Variants in RAB11FIP3 observed in about 807,000 individuals in gnomAD.
The protein encoded by RAB11FIP3 is RAB11 family interacting protein 3, also known as rab11 family-interacting protein 3.
In RAB11FIP3, 17 loss-of-function variants were observed where a neutral mutation model predicts 77.8. That is an observed-to-expected ratio of 0.22 (90% CI 0.15 to 0.33). The LOEUF (loss-of-function observed/expected upper bound fraction) is 0.33, where lower values mean the gene tolerates loss of function less well. Among genes scored for constraint, RAB11FIP3 ranks in the 10% least tolerant of loss-of-function variants. RAB11FIP3 has a pLI of 1.00. For synonymous variants in RAB11FIP3, 437 were observed against 448.2 expected, an observed-to-expected ratio of 0.98 and a Z score of 0.31; for missense variants, 1,005 against 1,011.2, an observed-to-expected ratio of 0.99 and a Z score of 0.08.
At chr16:489,077 T>A in intron 5 of RAB11FIP3, 77 bp downstream of exon 5, 2 of 1,463,022 alleles carry the variant, frequency 1.4e-6, no homozygotes, top group South Asian at 1.3e-5. Context: ...CCTTTTTGGT[T>A]CGTGCATTGG....
At chr16:513,936 G>A (rs7187852) in intron 9 of RAB11FIP3, among the ~76,000 whole-genome samples, 4,932 of 152,284 alleles carry the variant, frequency 0.032, 94 homozygotes, top group African/African-American at 0.054. Flanking sequence ...TACGTTTCTC[G>A]TCTGTGAGCG....
intron 5 of RAB11FIP3, chr16:491,116 A>G: frequency 7.8e-7 from 1 of 1,290,120 alleles, no homozygotes; most frequent in Non-Finnish European, 1.0e-6. Context: ...TCCTGAACGG[A>G]TGCTTCTGTC....
At chr16:451,085 A>G (rs1317899244) in intron 1 of RAB11FIP3, among the ~76,000 whole-genome samples, 1 of 151,274 alleles carries the variant, frequency 6.6e-6, no homozygotes, top group African/African-American at 2.4e-5. Context: ...AAGTATTCTC[A>G]TGTGCATTTT....
In RAB11FIP3 at chr16:474,800, A is replaced by G. The variant is rs537847563; in HGVS notation, c.903+3411A>G. 67 of 1,396,858 alleles carry G rather than the reference A, an allele frequency of 4.8e-5. No individual in the cohort carries two copies. In the African/African-American group the frequency reaches 6.5e-4, roughly 14 times the overall value. 86.5% of individuals were successfully genotyped at this position (1,396,858 alleles called of 1,614,324 possible). A position where few individuals can be genotyped will look rare whatever the true frequency, so the allele number is the denominator to read the frequency against. ...AACCGTTTTTTAAACCAGCAAGGAC[A>G]CTTCCTGAACTTTGCCTTCCCCTCC... On this transcript the variant is annotated intron_variant, in intron 3 of 13. Coordinates refer to ENST00000262305, the MANE Select transcript of RAB11FIP3 (RefSeq NM_014700.4).
intron 6 of RAB11FIP3, chr16:502,674 T>C (rs2141854581): frequency 2.5e-6 from 1 of 400,692 alleles, no homozygotes; most frequent in South Asian, 3.0e-5. Context: ...GAAGGGCATG[T>C]TTTATTGCAG....
rs1360292585 is a variant in RAB11FIP3, at chr16:520,486, G to A, written c.2044G>A (p.Glu682Lys). ...CAACCGCAACCTGAAGGAGCAGAAC[G>A]AGGAGCTGAACGGGCAGATCATTAC... ...QDNRNLKEQN[E>K]ELNGQIITLS... Residue 682 changes from glutamate (E) to lysine (K), a missense_variant, in exon 13 of 14, where the codon GAG becomes AAG. Coordinates refer to ENST00000262305, the MANE Select transcript of RAB11FIP3 (RefSeq NM_014700.4). 3.7e-6 allele frequency: 6 copies of A among 1,613,648 alleles called. No homozygotes were observed. Among genetic ancestry groups the A allele is most frequent in the Non-Finnish European group, 3.4e-6 (4 of 1,180,014 alleles).
chr16:462,659 A>G (rs372299876), intron 2 of RAB11FIP3, among the ~76,000 whole-genome samples: 1 of 145,066 alleles, frequency 6.9e-6, no homozygotes, highest in Non-Finnish European at 1.5e-5. Context: ...TCCCTTCCGC[A>G]GCACCGTCCC....
chr16:480,298 A>AAAAAAAAAAAAAAAAAAAAC (rs2056013196), intron 3 of RAB11FIP3, among the ~76,000 whole-genome samples: 1 of 151,516 alleles, frequency 6.6e-6, no homozygotes, highest in African/African-American at 2.4e-5. Flanking sequence ...AAAAAAAAAA[A>AAAAAAAAAAAAAAAAAAAAC]AAAAAAAAGT....
chr16:462,671 TC>T (rs1211818019), intron 2 of RAB11FIP3, among the ~76,000 whole-genome samples: 2 of 146,664 alleles, frequency 1.4e-5, no homozygotes, highest in Non-Finnish European at 3.0e-5. Flanking sequence ...CACCGTCCCT[TC>T]CCCGGCACCG....
At chr16:468,904 A>G (rs1048615191) in intron 2 of RAB11FIP3, among the ~76,000 whole-genome samples, 1 of 152,236 alleles carries the variant, frequency 6.6e-6, no homozygotes, top group Non-Finnish European at 1.5e-5. Context: ...CCTCTGGGGC[A>G]AGACCCTCAG....
chr16:442,189 G>A (rs531621865), intron 1 of RAB11FIP3, among the ~76,000 whole-genome samples: 6 of 152,136 alleles, frequency 3.9e-5, no homozygotes, highest in South Asian at 2.1e-4. Flanking sequence ...AGGCCGGAGC[G>A]CAGTGGCTGT....
chr16:460,456 CCCCCCTCCCA>C (rs2055586688), intron 1 of RAB11FIP3, among the ~76,000 whole-genome samples: 1 of 151,580 alleles, frequency 6.6e-6, no homozygotes, highest in Admixed American at 6.6e-5. Context: ...GTAATACTCT[CCCCCCTCCCA>C]CCCCATCCCC....
At chr16:497,939 C>CAA (rs747783090) in intron 6 of RAB11FIP3, among the ~76,000 whole-genome samples, 4,614 of 46,054 alleles carry the variant, frequency 0.1, 100 homozygotes, top group African/African-American at 0.14. Flanking sequence ...CCTGTCTCTA[C>CAA]AAAAAAAAAA....
intron 5 of RAB11FIP3, among the ~76,000 whole-genome samples, chr16:493,899 G>C (rs1477605787): frequency 7.1e-6 from 1 of 141,706 alleles, no homozygotes; most frequent in Non-Finnish European, 1.5e-5. Context: ...CCTGCCTGGA[G>C]GTATATTATC....
At chr16:441,092 C>T (rs1458554799) in intron 1 of RAB11FIP3, among the ~76,000 whole-genome samples, 1 of 152,196 alleles carries the variant, frequency 6.6e-6, no homozygotes, top group African/African-American at 2.4e-5. Context: ...AGGTACCTGC[C>T]ACCACGCCTG....
intron 4 of RAB11FIP3, among the ~76,000 whole-genome samples, chr16:487,231 C>A (rs2056173657): frequency 1.3e-5 from 2 of 151,650 alleles, no homozygotes; most frequent in South Asian, 4.2e-4. Context: ...CCCAGGTTCA[C>A]ACCATTCTCC....
rs570082291 is a variant in RAB11FIP3, at chr16:471,922, T to A, written c.903+533T>A. On this transcript the variant is annotated intron_variant, in intron 3 of 13. Transcript: ENST00000262305. The surrounding 1 kb of genome is among the most constrained non-coding windows in gnomAD (Gnocchi z 4.4). Reference sequence around the variant, plus strand: ...CCGTGGTCGACAGAGCGTAACCATGTCCGCCGGTCTGGAGGGTTAGATTCC... The same window carrying A: ...CCGTGGTCGACAGAGCGTAACCATGACCGCCGGTCTGGAGGGTTAGATTCC... Among the ~76,000 whole-genome samples, 1 of 152,224 alleles carries A rather than the reference T, an allele frequency of 6.6e-6. No homozygotes were observed. The highest frequency in any genetic ancestry group is 2.4e-5 in the African/African-American group (1 of 41,536).
intron 4 of RAB11FIP3, among the ~76,000 whole-genome samples, chr16:485,661 T>G (rs1169588518): frequency 1.3e-5 from 2 of 152,258 alleles, no homozygotes; most frequent in Non-Finnish European, 2.9e-5. Context: ...TCCACCCACG[T>G]TGGCCTCCCA....
At chr16:482,908 C>A (rs1308771203) in intron 4 of RAB11FIP3, among the ~76,000 whole-genome samples, 172 bp downstream of exon 4, 1 of 152,200 alleles carries the variant, frequency 6.6e-6, no homozygotes, top group South Asian at 2.1e-4. Context: ...GAGCCCACAC[C>A]GTCCTGCCCG....
Sources: gnomAD v4.1 joint callset for allele counts (sites outside exome capture counted in the v4.1 genomes callset) on GRCh38, gnomAD v4.1.1 for gene constraint, Gnocchi (gnomAD v3.1) non-coding constraint, MANE v1.5 for transcripts, NCBI Gene and HGNC (gene_info 2026-07-23, HGNC 2026-07-21) for gene names.